The following EVL variants were observed in gnomAD, a reference collection of about 807,000 sequenced individuals.
The protein encoded by EVL is ena/VASP-like protein.
A neutral mutation model predicts 59.6 loss-of-function variants in EVL; 21 were observed. The ratio of observed to expected loss-of-function variants is 0.35; its 90% CI spans 0.25 to 0.51. The LOEUF (loss-of-function observed/expected upper bound fraction) is 0.51, where lower values mean the gene tolerates loss of function less well. EVL is among the 20% of genes least tolerant of loss of function. The probability of loss-of-function intolerance (pLI) is 0.97; values close to 1 mark genes in which losing one functional copy is unlikely to be tolerated. For synonymous variants in EVL, 198 were observed against 203.5 expected, an observed-to-expected ratio of 0.97 and a Z score of 0.23; for missense variants, 462 against 546.6, an observed-to-expected ratio of 0.85 and a Z score of 1.54.
intron 1 of EVL, among the ~76,000 whole-genome samples, chr14:100,011,868 T>C (rs2061019166): frequency 6.6e-6 from 1 of 152,266 alleles, no homozygotes; most frequent in Non-Finnish European, 1.5e-5. Flanking sequence ...ATAGTACTAC[T>C]GTTGACTTGT....
rs77234278 is a variant in EVL, at chr14:100,114,851, A to G, written c.359-8688A>G. Among the ~76,000 whole-genome samples the G allele has an allele frequency of 5.8e-3, 885 of 151,640 alleles. 4 individuals are homozygous for G. The highest frequency in any genetic ancestry group is 0.02 in the African/African-American group (833 of 41,456). Reference sequence around the variant, plus strand: ...CGAGTATCTGCCACTGACCAATTACAGGGTTTGCAATGACATCCTTGCGGA... The same window carrying G: ...CGAGTATCTGCCACTGACCAATTACGGGGTTTGCAATGACATCCTTGCGGA... On this transcript the variant is annotated intron_variant, in intron 3 of 13. Coordinates refer to ENST00000392920, the MANE Select transcript of EVL (RefSeq NM_016337.3). This position sits in a 1 kb window ranked among gnomAD's most constrained non-coding sequence, Gnocchi z 5.0.
intron 1 of EVL, among the ~76,000 whole-genome samples, chr14:99,999,098 A>T (rs1241175191): frequency 6.6e-6 from 1 of 152,118 alleles, no homozygotes; most frequent in Non-Finnish European, 1.5e-5. Context: ...CAACAGTAGT[A>T]ATGTTCATGC....
At chr14:100,057,868 G>A (rs1278793950) in intron 1 of EVL, among the ~76,000 whole-genome samples, 1 of 152,186 alleles carries the variant, frequency 6.6e-6, no homozygotes, top group Non-Finnish European at 1.5e-5. Flanking sequence ...TTCATAATGT[G>A]TTAGAGACTG....
intron 1 of EVL, among the ~76,000 whole-genome samples, chr14:100,080,526 C>T (rs556104516): frequency 1.9e-3 from 288 of 152,288 alleles, no homozygotes; most frequent in African/African-American, 6.5e-3. Flanking sequence ...CATGGTCTTT[C>T]TCCTATAAGT....
intron 1 of EVL, among the ~76,000 whole-genome samples, chr14:99,990,918 G>A (rs1282823788): frequency 1.3e-5 from 2 of 152,110 alleles, no homozygotes; most frequent in Non-Finnish European, 2.9e-5. Context: ...GTGTGTATGT[G>A]TGTGTACCCA....
chr14:100,029,210 T>G (rs561806824), intron 1 of EVL, among the ~76,000 whole-genome samples: 24 of 152,312 alleles, frequency 1.6e-4, no homozygotes, highest in African/African-American at 4.8e-4. Flanking sequence ...GAGGAAGAAT[T>G]TAGCTGGGCT....
At chr14:100,062,545 A>T (rs1455978094), upstream of EVL, among the ~76,000 whole-genome samples, 1 of 152,214 alleles carries the variant, frequency 6.6e-6, no homozygotes, top group Non-Finnish European at 1.5e-5. Context: ...CCAGAAACAG[A>T]TGAGACAAAC....
At chr14:100,112,078 C>G (rs1036615149) in intron 3 of EVL, among the ~76,000 whole-genome samples, 1 of 152,244 alleles carries the variant, frequency 6.6e-6, no homozygotes, top group African/African-American at 2.4e-5. Flanking sequence ...TTTTTCCTCG[C>G]GTAGCGTGTA....
At chr14:100,045,362 A>G (rs574404029) in intron 1 of EVL, among the ~76,000 whole-genome samples, 1 of 152,056 alleles carries the variant, frequency 6.6e-6, no homozygotes, top group Non-Finnish European at 1.5e-5. Flanking sequence ...CACCTGCCAC[A>G]CTTTATCAGA....
At chr14:100,088,465 A>G (rs2062494216) in intron 2 of EVL, among the ~76,000 whole-genome samples, 1 of 152,152 alleles carries the variant, frequency 6.6e-6, no homozygotes, top group Non-Finnish European at 1.5e-5. Context: ...ACAAACCTAG[A>G]TGGTACAGCC....
At chr14:100,116,184 G>T (rs1887333250) in intron 3 of EVL, among the ~76,000 whole-genome samples, 1 of 152,208 alleles carries the variant, frequency 6.6e-6, no homozygotes, top group Non-Finnish European at 1.5e-5. Context: ...AGAGGGAAAG[G>T]TGTGCCGGGG....
chr14:99,984,105 T>C (rs768247782), intron 1 of EVL, among the ~76,000 whole-genome samples: 27 of 152,290 alleles, frequency 1.8e-4, no homozygotes, highest in Non-Finnish European at 3.5e-4. Flanking sequence ...TTGGCATGGA[T>C]CCTTCTAAGG....
intron 1 of EVL, among the ~76,000 whole-genome samples, chr14:100,042,665 G>A (rs1254968749): frequency 6.6e-6 from 1 of 152,084 alleles, no homozygotes; most frequent in Non-Finnish European, 1.5e-5. Flanking sequence ...GAGACCAGGA[G>A]TTACTTTGAG....
chr14:100,141,855 T>A, intron 13 of EVL, 62 bp downstream of exon 13: 2 of 1,538,116 alleles, frequency 1.3e-6, no homozygotes, highest in South Asian at 1.2e-5. Context: ...AGGGTCCCTG[T>A]CACCCAGGCT....
chr14:100,016,907 T>A (rs112800049), intron 1 of EVL, among the ~76,000 whole-genome samples: 36 of 152,338 alleles, frequency 2.4e-4, no homozygotes, highest in African/African-American at 8.7e-4. Flanking sequence ...CCTGGCCAGC[T>A]ACATAAAATA....
intron 3 of EVL, among the ~76,000 whole-genome samples, chr14:100,113,612 A>G (rs958432234): frequency 2.0e-5 from 3 of 152,198 alleles, no homozygotes; most frequent in Admixed American, 6.5e-5. Context: ...TGAGGTGCCA[A>G]GCTTCAGATG....
intron 1 of EVL, among the ~76,000 whole-genome samples, chr14:99,997,726 A>G (rs142397695): frequency 1.3e-5 from 2 of 152,332 alleles, no homozygotes; most frequent in Non-Finnish European, 2.9e-5. Context: ...GTTAGAAGGA[A>G]GTGATGTTCA....
rs1052878409 is a variant in EVL at position 100,130,683 on chromosome 14, G to T, written c.839+999G>T. Among the ~76,000 whole-genome samples the T allele has an allele frequency of 6.6e-6, 1 of 152,252 alleles. No homozygotes were observed. The highest frequency in any genetic ancestry group is 6.5e-5 in the Admixed American group (1 of 15,294). ...TGATGCGAGATGACAGAGGCCCACA[G>T]CTGCAGGCAGCTGGTGTGGCGCTTC... On this transcript the variant is annotated intron_variant, in intron 7 of 13. Transcript: ENST00000392920. The surrounding 1 kb of genome is among the most constrained non-coding windows in gnomAD (Gnocchi z 4.8).
chr14:100,007,283 A>G (rs1445022181), intron 1 of EVL, among the ~76,000 whole-genome samples: 3 of 152,046 alleles, frequency 2.0e-5, no homozygotes, highest in Non-Finnish European at 4.4e-5. Context: ...CAGGTAGGTG[A>G]GAGACAAATG....
Sources: gnomAD v4.1 joint callset for allele counts (sites outside exome capture counted in the v4.1 genomes callset) on GRCh38, gnomAD v4.1.1 for gene constraint, Gnocchi (gnomAD v3.1) non-coding constraint, MANE v1.5 for transcripts, NCBI Gene and HGNC (gene_info 2026-07-23, HGNC 2026-07-21) for gene names.